SAMD4B: variants seen among roughly 807,000 people sequenced by gnomAD.
SAMD4B encodes sterile alpha motif domain containing 4B.
In SAMD4B, 5 loss-of-function variants were observed where a neutral mutation model predicts 74.5. That is an observed-to-expected ratio of 0.07 (90% CI 0.04 to 0.14). The LOEUF (loss-of-function observed/expected upper bound fraction) is 0.14, where lower values mean the gene tolerates loss of function less well. SAMD4B is among the 10% of genes least tolerant of loss of function. The pLI, the probability that SAMD4B is intolerant of heterozygous loss-of-function variation, is 1.00. For missense variants in SAMD4B, 608 were observed against 921.8 expected (o/e 0.66, Z 4.41); for synonymous variants, 373 against 374.9 (o/e 1.00, Z 0.06).
chr19:39,381,002 G>A lies in SAMD4B; in HGVS notation c.1861G>A (p.Ala621Thr). Residue 621 changes from alanine to threonine, a missense_variant, in exon 12 of 14, where the codon GCC becomes ACC. Transcript: ENST00000610417. ...GGGACCTGTGTAGAACCTGTGGTTT[G>A]CCAACCCTGGAGGCAGCAACAGCAT... The part of the protein sequence containing the change: ...GGQGRQNLWF[A>T]NPGGSNSMPS... The A allele has an allele frequency of 6.2e-7, 1 of 1,610,350 alleles. No individual in the cohort carries two copies. Among genetic ancestry groups the A allele is most frequent in the South Asian group, 1.1e-5 (1 of 90,494 alleles).
At chr19:39,343,661 C>T (rs1018993423) in intron 1 of SAMD4B, among the ~76,000 whole-genome samples, 7 of 151,808 alleles carry the variant, frequency 4.6e-5, no homozygotes, top group Non-Finnish European at 7.4e-5. Flanking sequence ...CCCACCCCCA[C>T]TCATTCTAAA....
At chr19:39,344,924 CCTT>C (rs2075601682) in intron 1 of SAMD4B, among the ~76,000 whole-genome samples, 1 of 152,146 alleles carries the variant, frequency 6.6e-6, no homozygotes, top group Admixed American at 6.5e-5. Flanking sequence ...CTTTCAGAAG[CCTT>C]CTTCCTTCTC....
intron 8 of SAMD4B, among the ~76,000 whole-genome samples, 159 bp downstream of exon 8, chr19:39,377,983 C>A (rs765631243): frequency 1.3e-5 from 2 of 152,222 alleles, no homozygotes; most frequent in Non-Finnish European, 2.9e-5. Flanking sequence ...GGTGACAAGG[C>A]CCCTTGCCCT....
At chr19:39,377,899 C>A in intron 8 of SAMD4B, 75 bp downstream of exon 8, 1 of 1,386,108 alleles carries the variant, frequency 7.2e-7, no homozygotes, top group Non-Finnish European at 9.9e-7. Flanking sequence ...GGATCAAATC[C>A]AAGTTCGATG....
intron 5 of SAMD4B, 46 bp from the exon 6 acceptor site, chr19:39,376,391 A>G (rs898648541): frequency 6.6e-7 from 1 of 1,512,242 alleles, no homozygotes; most frequent in African/African-American, 1.4e-5. Flanking sequence ...TACCCTGGTA[A>G]TCTGGGCCAA....
intron 12 of SAMD4B, 50 bp downstream of exon 12, chr19:39,381,163 C>T (rs2077960015): frequency 6.5e-7 from 1 of 1,529,800 alleles, no homozygotes; most frequent in Non-Finnish European, 8.8e-7. Context: ...CCTCAGCTGA[C>T]CTTTCTTTTT....
Position 39,381,084 on chromosome 19 carries a change from C to T in SAMD4B, c.1943C>T (p.Ser648Leu). The T allele has an allele frequency of 6.2e-7, 1 of 1,612,420 alleles. No individual in the cohort carries two copies. Among genetic ancestry groups the T allele is most frequent in the Non-Finnish European group, 8.5e-7 (1 of 1,179,752 alleles). ...ACCCACTCGCTCCCGGTCCACTCGTCACCCCAGGCCATTCTCATGTTCCCT... is the reference window on the plus strand; with the variant it reads ...ACCCACTCGCTCCCGGTCCACTCGTTACCCCAGGCCATTCTCATGTTCCCT... Reference protein sequence around the residue: ...QRTHSLPVHSSPQAILMFPPD... With the variant: ...QRTHSLPVHSLPQAILMFPPD... Residue 648 changes from serine to leucine, a missense_variant, in exon 12 of 14, where the codon TCA becomes TTA. Ser to Leu is a moderately radical substitution (Grantham distance 145). Around this residue, in one of 9 missense-constraint regions of SAMD4B, gnomAD observed 167 missense variants for 193.0 expected, o/e 0.87. Transcript: ENST00000610417.
intron 7 of SAMD4B, 40 bp from the exon 8 acceptor site, chr19:39,377,445 A>G: frequency 2.0e-6 from 3 of 1,464,550 alleles, no homozygotes; most frequent in Non-Finnish European, 1.8e-6. Flanking sequence ...CCCTCATTGT[A>G]GGGTCTGCAT....
At chr19:39,360,370 T>C (rs2076580504) in intron 3 of SAMD4B, among the ~76,000 whole-genome samples, 1 of 152,068 alleles carries the variant, frequency 6.6e-6, no homozygotes, top group Non-Finnish European at 1.5e-5. Context: ...TGAATGAATA[T>C]ATGAATCAAG....
At chr19:39,361,815 T>C (rs2076672023) in intron 3 of SAMD4B, among the ~76,000 whole-genome samples, 1 of 151,920 alleles carries the variant, frequency 6.6e-6, no homozygotes, top group East Asian at 1.9e-4. Flanking sequence ...TCCCAGCTAC[T>C]CAGGAGGCTG....
downstream of SAMD4B, chr19:39,386,002 C>T: frequency 1.2e-6 from 2 of 1,613,654 alleles, no homozygotes; most frequent in Middle Eastern, 1.6e-4. The surrounding 1 kb of genome is among the most constrained non-coding windows in gnomAD (Gnocchi z 6.1). Flanking sequence ...CAGTCACTGT[C>T]ACTATCAGCT....
Position 39,383,808 on chromosome 19 carries a change from C to A in SAMD4B, c.*281C>A. ...TGCCTGCCTCTCTCCTTTCCTTCCT[C>A]ATCCCCACCTGGTCCCATCCCACCC... On this transcript the variant is annotated 3_prime_UTR_variant, in exon 14 of 14. Transcript: ENST00000610417. The surrounding 1 kb of genome is among the most constrained non-coding windows in gnomAD (Gnocchi z 4.1). The A allele has an allele frequency of 1.6e-6, 2 of 1,225,624 alleles. No individual in the cohort carries two copies. The highest frequency in any genetic ancestry group is 2.1e-5 in the Admixed American group (1 of 47,246). 75.9% of individuals were successfully genotyped at this position (1,225,624 alleles called of 1,614,324 possible).
At chr19:39,361,328 G>C (rs2076632968) in intron 3 of SAMD4B, among the ~76,000 whole-genome samples, 4 of 152,154 alleles carry the variant, frequency 2.6e-5, no homozygotes, top group Admixed American at 2.6e-4. Flanking sequence ...CCAGTTAAGA[G>C]TTCCCTGGCC....
At chr19:39,379,294 G>T (rs181633177) in intron 9 of SAMD4B, among the ~76,000 whole-genome samples, 2 of 152,222 alleles carry the variant, frequency 1.3e-5, no homozygotes, top group Non-Finnish European at 2.9e-5. Context: ...GAGCAACCAT[G>T]CCCAGCCCGT....
At chr19:39,386,852 C>G, downstream of SAMD4B, 1 of 1,206,474 alleles carries the variant, frequency 8.3e-7, no homozygotes, top group Non-Finnish European at 1.2e-6. The surrounding 1 kb of genome is among the most constrained non-coding windows in gnomAD (Gnocchi z 6.1). Flanking sequence ...TAAAGACACA[C>G]CTCCCACTTC....
chr19:39,388,368 G>A (rs775098629), downstream of SAMD4B: 27 of 1,613,916 alleles, frequency 1.7e-5, no homozygotes, highest in Middle Eastern at 1.6e-4. Context: ...AGTAAACCCC[G>A]TCACCCTCTC....
chr19:39,387,859 TG>T (rs2078287222), downstream of SAMD4B, among the ~76,000 whole-genome samples: 1 of 152,196 alleles, frequency 6.6e-6, no homozygotes, highest in Non-Finnish European at 1.5e-5. Flanking sequence ...ATATTCTGGC[TG>T]GGCGTGGTGG....
Position 39,375,923 on chromosome 19 carries a change from C to T in SAMD4B, c.907+34C>T. On this transcript the variant is annotated intron_variant, in intron 5 of 13. Transcript: ENST00000610417. The surrounding 1 kb of genome is among the most constrained non-coding windows in gnomAD (Gnocchi z 4.1). ...GGGACAGCAGCACCAGGACCCTTTT[C>T]CAGGGGCTTCTGCAGAGCTTAGAGG... 5 of 1,590,818 alleles carry T rather than the reference C, an allele frequency of 3.1e-6. No individual in the cohort carries two copies. The South Asian group carries it at 5.5e-5, about 18-fold the overall frequency.
chr19:39,376,292 G>A, intron 5 of SAMD4B, 145 bp from the exon 6 acceptor site: 1 of 643,156 alleles, frequency 1.6e-6, no homozygotes, highest in Non-Finnish European at 2.7e-6. Flanking sequence ...TGAAGAAGGA[G>A]CTGATGGAAC....
Sources: allele counts gnomAD v4.1 joint callset (sites outside exome capture counted in the v4.1 genomes callset), GRCh38; gene constraint gnomAD v4.1.1; regional missense constraint gnomAD v4.1.1; non-coding constraint Gnocchi (gnomAD v3.1); transcripts MANE v1.5; gene names NCBI Gene and HGNC (gene_info 2026-07-23, HGNC 2026-07-21).